ERC2: variants seen among roughly 807,000 people sequenced by gnomAD.
The protein encoded by ERC2 is ELKS/RAB6-interacting/CAST family member 2.
Under a neutral mutation model 114.8 loss-of-function variants are expected in ERC2, and 42 were observed. The ratio of observed to expected loss-of-function variants is 0.37; its 90% CI spans 0.29 to 0.47. The LOEUF (loss-of-function observed/expected upper bound fraction) is 0.47. Among genes scored for constraint, ERC2 ranks in the 20% least tolerant of loss-of-function variants. The probability of loss-of-function intolerance (pLI) is 0.99; values close to 1 mark genes in which losing one functional copy is unlikely to be tolerated. For synonymous variants in ERC2, 454 were observed against 425.5 expected (o/e 1.07, Z -0.82); for missense variants, 939 against 1,150.7 (o/e 0.82, Z 2.66).
At chr3:56,127,154 T>G (rs2079924645) in intron 6 of ERC2, among the ~76,000 whole-genome samples, 1 of 151,996 alleles carries the variant, frequency 6.6e-6, no homozygotes, top group Non-Finnish European at 1.5e-5. Context: ...TATAAAACAT[T>G]GCTGAAAGAA....
At chr3:55,906,118 C>T (rs1282280230) in intron 13 of ERC2, among the ~76,000 whole-genome samples, 1 of 152,178 alleles carries the variant, frequency 6.6e-6, no homozygotes, top group Non-Finnish European at 1.5e-5. Context: ...AGTAAGTACT[C>T]ACCTGACTCA....
At chr3:56,147,676 A>C (rs971454950) in intron 5 of ERC2, among the ~76,000 whole-genome samples, 16 of 152,314 alleles carry the variant, frequency 1.1e-4, no homozygotes, top group African/African-American at 3.6e-4. Context: ...AGCAACAAAC[A>C]AAATTAAAAC....
chr3:55,646,699 T>C (rs58002944), intron 17 of ERC2, among the ~76,000 whole-genome samples: 26,875 of 152,120 alleles, frequency 0.18, 3,565 homozygotes, highest in African/African-American at 0.37. Flanking sequence ...GTAAGCTCCA[T>C]GTAGACAAGG....
At chr3:55,565,397 T>G (rs973553078) in intron 17 of ERC2, among the ~76,000 whole-genome samples, 3 of 152,026 alleles carry the variant, frequency 2.0e-5, no homozygotes, top group African/African-American at 7.2e-5. Context: ...GGCTGACGGG[T>G]ACTGGAAGCC....
Position 55,754,116 on chromosome 3 carries a change from A to C in ERC2, c.2565-19198T>G, listed in dbSNP as rs545182176. On this transcript the variant is annotated intron_variant, in intron 14 of 17. Transcript: ENST00000288221. ...ACCATTACTATGAGTGTGGTTCATTAAGTTATTATCGGCTACAAGATAAAT... is the reference window on the plus strand; with the variant it reads ...ACCATTACTATGAGTGTGGTTCATTCAGTTATTATCGGCTACAAGATAAAT... Among the ~76,000 whole-genome samples, 2 of 152,318 alleles carry C rather than the reference A, an allele frequency of 1.3e-5. 1 individual carries two copies. Among genetic ancestry groups the C allele is most frequent in the South Asian group, 4.1e-4 (2 of 4,826 alleles).
intron 17 of ERC2, among the ~76,000 whole-genome samples, chr3:55,663,129 G>A (rs189391724): frequency 1.1e-4 from 17 of 152,322 alleles, no homozygotes; most frequent in Admixed American, 3.9e-4. Context: ...ATGGATGAAC[G>A]GAAGGGAGAT....
intron 17 of ERC2, among the ~76,000 whole-genome samples, chr3:55,615,434 C>T (rs1260743197): frequency 6.6e-6 from 1 of 152,170 alleles, no homozygotes; most frequent in African/African-American, 2.4e-5. Flanking sequence ...TTGCCCACTG[C>T]ACAGCCCTCT....
intron 14 of ERC2, among the ~76,000 whole-genome samples, chr3:55,758,846 T>G (rs1263340412): frequency 1.3e-5 from 2 of 152,196 alleles, no homozygotes; most frequent in African/African-American, 4.8e-5. Context: ...AAATACAGTC[T>G]TCAGTAAGAT....
In ERC2 at chr3:55,754,669, TAAATG is replaced by T. The variant is rs2066937519; in HGVS notation, c.2565-19756_2565-19752del. ...ATATCAATGAACTGCTATGATCAAA[TAAATG>T]AAAGTCCTATCAATTTATTTGTAGT... On this transcript the variant is annotated intron_variant, in intron 14 of 17. Coordinates refer to ENST00000288221, the MANE Select transcript of ERC2 (RefSeq NM_015576.3). Among the ~76,000 whole-genome samples, 4 of 150,750 alleles carry T rather than the reference TAAATG, an allele frequency of 2.7e-5. No individual in the cohort carries two copies. In the Admixed American group the frequency reaches 2.7e-4, roughly 10 times the overall value.
intron 2 of ERC2, among the ~76,000 whole-genome samples, chr3:56,417,888 T>C (rs549637977): frequency 2.6e-5 from 4 of 152,338 alleles, no homozygotes; most frequent in African/African-American, 9.6e-5. Context: ...TGTCACTACA[T>C]GTCCTACAAT....
At position 56,189,737 on chromosome 3, in the gene ERC2, A is replaced by G. The variant is rs7618599; in HGVS notation, c.1075-16217T>C. Among the ~76,000 whole-genome samples, 510 of 152,294 alleles carry G rather than the reference A, an allele frequency of 3.3e-3. 1 individual carries two copies. The highest frequency in any genetic ancestry group is 0.012 in the African/African-American group (487 of 41,570). ...CACCACACATGGAGCCTTTTAAGCC[A>G]TTATCCATGCATGGAATTGGAGCTT... On this transcript the variant is annotated intron_variant, in intron 3 of 17. Coordinates refer to ENST00000288221, the MANE Select transcript of ERC2 (RefSeq NM_015576.3).
At chr3:55,737,020 T>C (rs920225951) in intron 14 of ERC2, among the ~76,000 whole-genome samples, 7 of 152,174 alleles carry the variant, frequency 4.6e-5, no homozygotes, top group Non-Finnish European at 7.4e-5. Flanking sequence ...CAAGGAAGCC[T>C]CCACATTGGG....
At chr3:56,071,531 A>C (rs886472527) in intron 7 of ERC2, among the ~76,000 whole-genome samples, 3 of 152,192 alleles carry the variant, frequency 2.0e-5, no homozygotes, top group Non-Finnish European at 4.4e-5. Flanking sequence ...TTTTAAAATC[A>C]AATAATATTG....
At chr3:56,079,213 T>A (rs1480444822) in intron 7 of ERC2, among the ~76,000 whole-genome samples, 2 of 152,134 alleles carry the variant, frequency 1.3e-5, no homozygotes, top group African/African-American at 4.8e-5. Context: ...AATATTTTCA[T>A]TTCACCATAT....
intron 6 of ERC2, among the ~76,000 whole-genome samples, chr3:56,082,746 A>C (rs182080450): frequency 4.8e-4 from 73 of 152,296 alleles, no homozygotes; most frequent in Non-Finnish European, 8.8e-4. Flanking sequence ...CCCTTGGACC[A>C]GTTCCGGTCC....
At chr3:55,944,144 G>C (rs1314777035) in intron 13 of ERC2, among the ~76,000 whole-genome samples, 1 of 152,112 alleles carries the variant, frequency 6.6e-6, no homozygotes. Context: ...CCACCCCAAG[G>C]CTTGTCATTT....
At chr3:56,086,647 T>C (rs2077519280) in intron 6 of ERC2, among the ~76,000 whole-genome samples, 1 of 152,054 alleles carries the variant, frequency 6.6e-6, no homozygotes, top group Non-Finnish European at 1.5e-5. Context: ...CACAAGCCTT[T>C]GGATGCACCA....
chr3:55,679,069 G>A (rs184684404), intron 17 of ERC2, among the ~76,000 whole-genome samples: 2 of 152,268 alleles, frequency 1.3e-5, no homozygotes, highest in African/African-American at 4.8e-5. Flanking sequence ...ATCAAATCAT[G>A]TCATGTCCCT....
At chr3:55,939,109 T>C (rs756948956) in intron 13 of ERC2, among the ~76,000 whole-genome samples, 1 of 152,222 alleles carries the variant, frequency 6.6e-6, no homozygotes, top group African/African-American at 2.4e-5. Context: ...CTTAATGAGG[T>C]ACAATTTTTT....
Sources: gnomAD v4.1 joint callset for allele counts (sites outside exome capture counted in the v4.1 genomes callset) on GRCh38, gnomAD v4.1.1 for gene constraint, MANE v1.5 for transcripts, NCBI Gene and HGNC (gene_info 2026-07-23, HGNC 2026-07-21) for gene names.